PTPRO: variants seen among roughly 807,000 people sequenced by gnomAD.
The protein encoded by PTPRO is protein tyrosine phosphatase receptor type O, also known as receptor-type tyrosine-protein phosphatase O.
PTPRO carries 62 observed loss-of-function variants against 145.2 expected under a neutral mutation model. The ratio of observed to expected loss-of-function variants is 0.43; its 90% CI spans 0.35 to 0.53. The LOEUF (loss-of-function observed/expected upper bound fraction) is 0.53. Among genes scored for constraint, PTPRO ranks in the 20% least tolerant of loss-of-function variants. PTPRO has a pLI of 0.01. For missense variants in PTPRO, 1,345 were observed against 1,482.7 expected, an observed-to-expected ratio of 0.91 and a Z score of 1.53; for synonymous variants, 565 against 514.7, an observed-to-expected ratio of 1.10 and a Z score of -1.32.
chr12:15,553,218 A>G (rs1173819263), intron 15 of PTPRO, among the ~76,000 whole-genome samples: 1 of 152,232 alleles, frequency 6.6e-6, no homozygotes, highest in Admixed American at 6.5e-5. Context: ...AGACAAAAAT[A>G]TGTGCCTTCA....
chr12:15,427,672 T>G (rs1940320760), intron 1 of PTPRO, among the ~76,000 whole-genome samples: 1 of 151,906 alleles, frequency 6.6e-6, no homozygotes, highest in Non-Finnish European at 1.5e-5. Flanking sequence ...ATCTTAACCT[T>G]ACATGTATAA....
intron 1 of PTPRO, among the ~76,000 whole-genome samples, chr12:15,456,049 G>A (rs10772849): frequency 0.86 from 130,821 of 152,140 alleles, 59,120 homozygotes; most frequent in Non-Finnish European, 0.99. Context: ...GTCTTGTTCT[G>A]GATTTTAGAG....
At chr12:15,505,435 ATTCTT>A (rs1341965474) in intron 6 of PTPRO, among the ~76,000 whole-genome samples, 1 of 152,216 alleles carries the variant, frequency 6.6e-6, no homozygotes, top group Non-Finnish European at 1.5e-5. Flanking sequence ...ACTCTGCTCT[ATTCTT>A]AGAGTATCTA....
At chr12:15,521,279 A>C (rs1410072507) in intron 10 of PTPRO, among the ~76,000 whole-genome samples, 2 of 152,200 alleles carry the variant, frequency 1.3e-5, no homozygotes, top group African/African-American at 4.8e-5. Context: ...TACACAATTA[A>C]CTTACATAAG....
In PTPRO at chr12:15,516,864, G is replaced by A. The variant is rs1314935951; in HGVS notation, c.1687G>A (p.Val563Ile). 8.1e-6 allele frequency: 13 copies of A among 1,613,106 alleles called. No homozygotes were observed. Among genetic ancestry groups the A allele is most frequent in the Non-Finnish European group, 1.0e-5 (12 of 1,179,092 alleles). ...TTTAGGCGTGTTCAGAAAATACGTGGTTGAAATGTTTTATTTCAACCCTGC... is the reference window on the plus strand; with the variant it reads ...TTTAGGCGTGTTCAGAAAATACGTGATTGAAATGTTTTATTTCAACCCTGC... ...PYLGVFRKYVVEMFYFNPATM... is the reference protein window; with the variant it reads ...PYLGVFRKYVIEMFYFNPATM... Residue 563 changes from valine (V) to isoleucine (I), a missense_variant, in exon 9 of 27, where the codon GTT becomes ATT. By Grantham distance (29) the Val-to-Ile change is conservative. Transcript: ENST00000281171.
At chr12:15,364,694 T>C (rs1007159877) in intron 1 of PTPRO, among the ~76,000 whole-genome samples, 3 of 152,132 alleles carry the variant, frequency 2.0e-5, no homozygotes, top group Non-Finnish European at 2.9e-5. Flanking sequence ...ATTTAAGTCA[T>C]AGCAACAGTG....
chr12:15,567,896 A>C (rs1286170315), intron 18 of PTPRO, among the ~76,000 whole-genome samples: 10 of 152,316 alleles, frequency 6.6e-5, no homozygotes, highest in Middle Eastern at 3.4e-3. Flanking sequence ...AATGTTGTCT[A>C]TTCCTACCTC....
At chr12:15,390,444 T>C (rs886332688) in intron 1 of PTPRO, among the ~76,000 whole-genome samples, 2 of 151,980 alleles carry the variant, frequency 1.3e-5, no homozygotes, top group African/African-American at 4.8e-5. Context: ...GCAGGGAAAG[T>C]CCCCTTTATA....
rs889883511 is a variant in PTPRO, at chr12:15,506,351, T to G, written c.1268-2220T>G. On this transcript the variant is annotated intron_variant, in intron 6 of 26. Transcript: ENST00000281171. ...GAGGTCTGGGTTAGGTCACAAGCAC[T>G]TACTAGCTCTATGACTTCAGGCAGC... Among the ~76,000 whole-genome samples the G allele has an allele frequency of 2.0e-4, 31 of 152,328 alleles. 1 individual carries two copies. The South Asian group carries it at 3.1e-3, about 15-fold the overall frequency.
At chr12:15,454,981 T>C (rs1336806006) in intron 1 of PTPRO, among the ~76,000 whole-genome samples, 1 of 152,216 alleles carries the variant, frequency 6.6e-6, no homozygotes, top group Admixed American at 6.5e-5. Context: ...TGTAACTTTG[T>C]AATATATTTT....
chr12:15,384,292 T>C (rs57112181), intron 1 of PTPRO, among the ~76,000 whole-genome samples: 22,484 of 152,076 alleles, frequency 0.15, 3,761 homozygotes, highest in African/African-American at 0.41. Flanking sequence ...ATTGCTGGAT[T>C]ATTATAAATT....
At position 15,484,004 on chromosome 12, in the gene PTPRO, G is replaced by A; in HGVS notation, c.106G>A (p.Asp36Asn). 6.2e-7 allele frequency: 1 copy of A among 1,613,544 alleles called. No homozygotes were observed. Among genetic ancestry groups the A allele is most frequent in the Non-Finnish European group, 8.5e-7 (1 of 1,179,570 alleles). ...NATAFHVTVQ[D>N]DNNIVVSLEA... ...TACAGCTTTCCATGTAACTGTCCAA[G>A]ATGATAATAACATCGTTGTCTCATT... The change falls in exon 2 of 27, where the codon GAT becomes AAT. Residue 36 changes from aspartate (D) to asparagine (N), a missense_variant. Around this residue, in one of 3 missense-constraint regions of PTPRO, gnomAD observed 1,130 missense variants for 1,214.7 expected, o/e 0.93. Coordinates refer to ENST00000281171, the MANE Select transcript of PTPRO (RefSeq NM_030667.3).
At chr12:15,560,567 G>A (rs1370207853) in intron 17 of PTPRO, among the ~76,000 whole-genome samples, 2 of 151,878 alleles carry the variant, frequency 1.3e-5, no homozygotes, top group African/African-American at 2.4e-5. Flanking sequence ...TGCAAATAAT[G>A]CTTTCCATTT....
intron 1 of PTPRO, among the ~76,000 whole-genome samples, chr12:15,424,105 T>C (rs535595325): frequency 6.6e-6 from 1 of 152,216 alleles, no homozygotes; most frequent in African/African-American, 2.4e-5. Flanking sequence ...AAGTTATAAC[T>C]GAATATTCTC....
At chr12:15,407,575 G>A (rs951991181) in intron 1 of PTPRO, among the ~76,000 whole-genome samples, 3 of 151,656 alleles carry the variant, frequency 2.0e-5, no homozygotes, top group African/African-American at 7.3e-5. Context: ...GAGAATAAAA[G>A]CTATGTGTGT....
At chr12:15,377,537 T>A (rs1249598964) in intron 1 of PTPRO, among the ~76,000 whole-genome samples, 1 of 151,824 alleles carries the variant, frequency 6.6e-6, no homozygotes, top group Non-Finnish European at 1.5e-5. Flanking sequence ...ATAAATAATT[T>A]AAAAATTATA....
rs1941842703 is a variant in PTPRO, at chr12:15,484,356, A to G, written c.349+109A>G. On this transcript the variant is annotated intron_variant, in intron 2 of 26. Coordinates refer to ENST00000281171, the MANE Select transcript of PTPRO (RefSeq NM_030667.3). Reference sequence around the variant, plus strand: ...CCAGAATGGCAAAATCACTTGCCTTAATGCCAAGTGACGTAGATTCAAAGT... The same window carrying G: ...CCAGAATGGCAAAATCACTTGCCTTGATGCCAAGTGACGTAGATTCAAAGT... 3.3e-6 allele frequency: 4 copies of G among 1,209,798 alleles called. No homozygotes were observed. The East Asian group carries it at 9.7e-5, about 29-fold the overall frequency. 74.9% of individuals were successfully genotyped at this position (1,209,798 alleles called of 1,614,324 possible).
At chr12:15,512,684 G>A (rs1942466767) in intron 7 of PTPRO, among the ~76,000 whole-genome samples, 1 of 152,054 alleles carries the variant, frequency 6.6e-6, no homozygotes, top group African/African-American at 2.4e-5. Flanking sequence ...TCTTATCATA[G>A]TTTGTCTCTT....
intron 23 of PTPRO, among the ~76,000 whole-genome samples, chr12:15,584,963 C>T (rs890511238): frequency 2.6e-5 from 4 of 152,148 alleles, no homozygotes; most frequent in Non-Finnish European, 4.4e-5. Flanking sequence ...TTGGCATCAA[C>T]TGAGTGAGAG....
Sources: gnomAD v4.1 joint callset for allele counts (sites outside exome capture counted in the v4.1 genomes callset) on GRCh38, gnomAD v4.1.1 for gene constraint, gnomAD v4.1.1 regional missense constraint, MANE v1.5 for transcripts, NCBI Gene and HGNC (gene_info 2026-07-23, HGNC 2026-07-21) for gene names.